Variants in CDC23 observed in about 807,000 individuals in gnomAD.
CDC23 encodes cell division cycle protein 23 homolog.
In CDC23, 26 loss-of-function variants were observed where a neutral mutation model predicts 81.7. That is an observed-to-expected ratio of 0.32 (90% CI 0.23 to 0.44). The LOEUF is 0.44. CDC23 is among the 20% of genes least tolerant of loss of function. CDC23 has a pLI of 1.00. For synonymous variants in CDC23, 267 were observed against 270.8 expected (o/e 0.99, Z 0.14); for missense variants, 519 against 728.0 (o/e 0.71, Z 3.30).
At chr5:138,203,678 G>A (rs901366545) in intron 3 of CDC23, among the ~76,000 whole-genome samples, 1 of 151,868 alleles carries the variant, frequency 6.6e-6, no homozygotes, top group African/African-American at 2.4e-5. Flanking sequence ...TTGGGAGGCC[G>A]AGGCACGCCA....
chr5:138,203,050 G>C (rs1352578464), intron 3 of CDC23, among the ~76,000 whole-genome samples: 1 of 152,152 alleles, frequency 6.6e-6, no homozygotes, highest in East Asian at 1.9e-4. Flanking sequence ...AAGGCATTGT[G>C]TAACACTAGA....
chr5:138,206,791 T>C (rs986846149), intron 2 of CDC23, 107 bp from the exon 3 acceptor site: 3 of 1,039,948 alleles, frequency 2.9e-6, no homozygotes, highest in Middle Eastern at 2.4e-4. Flanking sequence ...AAGGATTGTT[T>C]TCTTCCTCCT....
chr5:138,212,499 C>T (rs1403504074), intron 2 of CDC23, among the ~76,000 whole-genome samples: 1 of 151,298 alleles, frequency 6.6e-6, no homozygotes, highest in Non-Finnish European at 1.5e-5. Context: ...TGTATTTTTA[C>T]TAGAGACGGG....
chr5:138,200,792 C>T (rs1167964657), intron 6 of CDC23: 1 of 242,400 alleles, frequency 4.1e-6, no homozygotes, highest in African/African-American at 2.3e-5. Flanking sequence ...TGCACTCCAG[C>T]CTAGATGAAA....
intron 13 of CDC23, chr5:138,190,160 AAATT>A: frequency 2.1e-6 from 1 of 473,654 alleles, no homozygotes; most frequent in Middle Eastern, 5.9e-4. Flanking sequence ...ATCCTTGCAA[AAATT>A]ATCTAGTAAT....
At chr5:138,200,998 G>T in intron 6 of CDC23, 109 bp downstream of exon 6, 1 of 1,220,372 alleles carries the variant, frequency 8.2e-7, no homozygotes, top group Non-Finnish European at 1.1e-6. Flanking sequence ...GCGCAGCAAA[G>T]GGAGAACTAT....
At position 138,189,635 on chromosome 5, in the gene CDC23, C is replaced by A; in HGVS notation, c.1621G>T (p.Asp541Tyr). The change falls in exon 15 of 16, where the codon GAT becomes TAT. Residue 541 changes from aspartate to tyrosine, a missense_variant and splice_region_variant. Physicochemically the swap from Asp to Tyr is radical, Grantham distance 160 (BLOSUM62 -3). Transcript: ENST00000394886. ...TCAQKCCAFN[D>Y]TREEGKALLR... is the part of the protein sequence containing the mutation. ...TTTATTAAAGAACTGATACTCACATCATTAAATGCACAACACTTTTGTGCA... is the reference window on the plus strand; with the variant it reads ...TTTATTAAAGAACTGATACTCACATAATTAAATGCACAACACTTTTGTGCA... The A allele has an allele frequency of 6.2e-7, 1 of 1,611,736 alleles. No homozygotes were observed. The highest frequency in any genetic ancestry group is 8.5e-7 in the Non-Finnish European group (1 of 1,178,646).
At chr5:138,201,596 C>T (rs1754990449) in intron 4 of CDC23, 148 bp from the exon 5 acceptor site, 1 of 598,170 alleles carries the variant, frequency 1.7e-6, no homozygotes, top group East Asian at 2.9e-5. Flanking sequence ...ATCCTTCCGC[C>T]TCAGACTCCC....
chr5:138,188,863 G>T lies in CDC23; in HGVS notation c.*115C>A, dbSNP rs1754788156. 2.1e-6 allele frequency: 2 copies of T among 970,124 alleles called. No individual in the cohort carries two copies. Among genetic ancestry groups the T allele is most frequent in the Non-Finnish European group, 3.0e-6 (2 of 665,706 alleles). 60.1% of individuals were successfully genotyped at this position (970,124 alleles called of 1,614,324 possible). ...TACAAGCTGTCCCTATGGAGCTGTT[G>T]CCATCTGTAGAAACAAGAAGAGCTG... On this transcript the variant is annotated 3_prime_UTR_variant, in exon 16 of 16. Coordinates refer to ENST00000394886, the MANE Select transcript of CDC23 (RefSeq NM_004661.4).
Position 138,213,171 on chromosome 5 carries a change from G to T in CDC23, c.142C>A (p.Leu48Ile), listed in dbSNP as rs1489981302. 6.2e-7 allele frequency: 1 copy of T among 1,614,018 alleles called. No homozygotes were observed. Among genetic ancestry groups the T allele is most frequent in the Non-Finnish European group, 8.5e-7 (1 of 1,180,042 alleles). The change falls in exon 1 of 16, where the codon CTA becomes ATA. Residue 48 changes from leucine to isoleucine, a missense_variant. By Grantham distance (5) the Leu-to-Ile change is conservative (BLOSUM62 2). This residue lies in a region of CDC23 where 126 missense variants were observed against 116.2 expected (regional missense o/e 1.08). Coordinates refer to ENST00000394886, the MANE Select transcript of CDC23 (RefSeq NM_004661.4). ...LIAGLTRERG[L>I]LHSSKWSAEL... ...TCTCACCATTTGCTACTGTGTAGTA[G>T]GCCCCGCTCCCGGGTAAGGCCCGCA...
chr5:138,197,794 C>G (rs189231367), intron 9 of CDC23, among the ~76,000 whole-genome samples: 1 of 152,244 alleles, frequency 6.6e-6, no homozygotes, highest in African/African-American at 2.4e-5. Context: ...CGCGCCCAGC[C>G]CCTACACATA....
chr5:138,197,285 C>T (rs1413658004), intron 9 of CDC23, among the ~76,000 whole-genome samples: 6 of 111,822 alleles, frequency 5.4e-5, no homozygotes, highest in Admixed American at 1.3e-4. Context: ...GCCTGGACGA[C>T]AGAGCGAGAC....
At chr5:138,190,219 AG>A (rs1010793834) in intron 13 of CDC23, 16 of 272,780 alleles carry the variant, frequency 5.9e-5, no homozygotes, top group Non-Finnish European at 1.1e-4. Flanking sequence ...GCACTTTGGG[AG>A]GCCAAGGAGG....
At chr5:138,192,056 C>T (rs1439262367) in intron 11 of CDC23, 119 bp from the exon 12 acceptor site, 6 of 939,854 alleles carry the variant, frequency 6.4e-6, no homozygotes, top group Non-Finnish European at 9.9e-6. Context: ...ACCTGATGCT[C>T]CATATAATAG....
intron 3 of CDC23, among the ~76,000 whole-genome samples, chr5:138,205,127 C>G (rs17171780): frequency 0.1 from 15,643 of 152,034 alleles, 979 homozygotes; most frequent in Non-Finnish European, 0.13. Context: ...GCCGCCCGGG[C>G]TTCCTTTTAT....
At position 138,189,000 on chromosome 5, in the gene CDC23, T is replaced by A. The variant is rs566654900; in HGVS notation, c.1772A>T (p.Asn591Ile). The change falls in exon 16 of 16, where the codon AAC becomes ATC. Residue 591 changes from asparagine to isoleucine, a missense_variant. Around this residue, in one of 4 missense-constraint regions of CDC23, gnomAD observed 38 missense variants for 34.7 expected, o/e 1.10. Transcript: ENST00000394886. The stretch of plus-strand genomic sequence containing the variant: ...CAACTATGGCGTGACAGAAGACAAG[T>A]TGAGTGGAGAAACTCTGCGTGTGGG... ...NTPTRRVSPL[N>I]LSSVTP The A allele has an allele frequency of 2.5e-6, 4 of 1,613,994 alleles. No individual in the cohort carries two copies. In the South Asian group the frequency reaches 4.4e-5, roughly 18 times the overall value.
intron 6 of CDC23, 58 bp downstream of exon 6, chr5:138,201,049 T>C: frequency 6.3e-7 from 1 of 1,591,640 alleles, no homozygotes; most frequent in East Asian, 2.2e-5. Flanking sequence ...CCTATATTAC[T>C]ACAGAATTAC....
intron 9 of CDC23, among the ~76,000 whole-genome samples, chr5:138,195,724 A>G (rs1292736925): frequency 4.4e-4 from 25 of 56,820 alleles, no homozygotes; most frequent in Admixed American, 4.1e-3. Context: ...ATATATATGT[A>G]TATATATACA....
intron 3 of CDC23, among the ~76,000 whole-genome samples, chr5:138,205,363 G>A (rs1038437014): frequency 6.6e-6 from 1 of 152,042 alleles, no homozygotes; most frequent in African/African-American, 2.4e-5. Context: ...CTTTAAAAAA[G>A]GAAATTCTTA....
Sources: gnomAD v4.1 joint callset for allele counts (sites outside exome capture counted in the v4.1 genomes callset) on GRCh38, gnomAD v4.1.1 for gene constraint, gnomAD v4.1.1 regional missense constraint, MANE v1.5 for transcripts, NCBI Gene and HGNC (gene_info 2026-07-23, HGNC 2026-07-21) for gene names.